Variants in DDB1 observed in about 807,000 individuals in gnomAD.
DDB1 encodes the protein DNA damage-binding protein 1.
A neutral mutation model predicts 133.1 loss-of-function variants in DDB1; 18 were observed. The observed-to-expected ratio is 0.14, with a 90% CI of 0.09 to 0.20. DDB1 has a LOEUF of 0.20. Ranked by LOEUF, DDB1 falls within the 10% of genes least tolerant of loss-of-function variation. DDB1 has a pLI of 1.00. For synonymous variants in DDB1, 580 were observed against 550.5 expected, an observed-to-expected ratio of 1.05 and a Z score of -0.75; for missense variants, 828 against 1,459.2, an observed-to-expected ratio of 0.57 and a Z score of 7.05.
Position 61,309,885 on chromosome 11 carries a change from T to C in DDB1, c.2477A>G (p.Asn826Ser). Reference sequence around the variant, plus strand: ...TGCTGTGCCCACAATGAAGTAAGTGTTGGGGTCTTTGCCCAGCTTGCAGGA... The same window carrying C: ...TGCTGTGCCCACAATGAAGTAAGTGCTGGGGTCTTTGCCCAGCTTGCAGGA... The part of the protein sequence containing the change: ...LVSCKLGKDP[N>S]TYFIVGTAMV... Residue 826 changes from asparagine to serine, a missense_variant, in exon 20 of 27, where the codon AAC (asparagine) becomes AGC (serine). Transcript: ENST00000301764. 1 of 1,614,204 alleles carries C rather than the reference T, an allele frequency of 6.2e-7. No homozygotes were observed. Among genetic ancestry groups the C allele is most frequent in the Non-Finnish European group, 8.5e-7 (1 of 1,180,042 alleles).
chr11:61,307,884 TCATAA>T (rs1212193051), intron 21 of DDB1, among the ~76,000 whole-genome samples: 1 of 151,986 alleles, frequency 6.6e-6, no homozygotes, highest in Non-Finnish European at 1.5e-5. Flanking sequence ...AATCCTACCC[TCATAA>T]CATAAGCAGA....
At chr11:61,325,763 G>T in intron 5 of DDB1, 55 bp from the exon 6 acceptor site, 1 of 1,452,888 alleles carries the variant, frequency 6.9e-7, no homozygotes, top group Non-Finnish European at 9.6e-7. Context: ...TGCCAAACCA[G>T]GACTGGCAAA....
At chr11:61,302,137 A>C (rs1475318248) in intron 25 of DDB1, 120 bp downstream of exon 25, 2 of 846,600 alleles carry the variant, frequency 2.4e-6, no homozygotes, top group Non-Finnish European at 3.8e-6. Context: ...AACAAAACAA[A>C]AAACCTGTTC....
At chr11:61,315,781 C>T (rs892748609) in intron 12 of DDB1, 1 of 152,762 alleles carries the variant, frequency 6.5e-6, no homozygotes, top group Non-Finnish European at 1.5e-5. Flanking sequence ...CCCCGTATTG[C>T]AGATAGATTG....
chr11:61,300,831 T>C lies in DDB1; in HGVS notation c.3317A>G (p.Gln1106Arg), dbSNP rs1855781064. 1 of 1,614,222 alleles carries C rather than the reference T, an allele frequency of 6.2e-7. No homozygotes were observed. The highest frequency in any genetic ancestry group is 8.5e-7 in the Non-Finnish European group (1 of 1,180,034). The change falls in exon 26 of 27, where the codon CAG becomes CGG. Residue 1106 changes from glutamine (Q) to arginine (R), a missense_variant. Physicochemically the swap from Gln to Arg is conservative, Grantham distance 43. This residue lies in a region of DDB1 where 116 missense variants were observed against 221.6 expected (regional missense o/e 0.52). Coordinates refer to ENST00000301764, the MANE Select transcript of DDB1 (RefSeq NM_001923.5). The part of the protein sequence containing the change: ...SFLDISRPKM[Q>R]EVVANLQYDD... The stretch of plus-strand genomic sequence containing the variant: ...CACCTGTAGGTTTGCCACCACCTCC[T>C]GCATCTTGGGGCGGCTAATATCCAG...
rs767827916 is a variant in DDB1 at position 61,325,693 on chromosome 11, C to G, written c.680G>C (p.Gly227Ala). 1.1e-5 allele frequency: 18 copies of G among 1,612,764 alleles called. No homozygotes were observed. The highest frequency in any genetic ancestry group is 3.3e-5 in the South Asian group (3 of 90,714). ...CTCCTGTCCAATGATGATGGCCCCC[C>G]CAAAGGGCTCTGGGACTGCAGGAAA... The part of the protein sequence containing the change: ...SMVIAVPEPF[G>A]GAIIIGQESI... Residue 227 changes from glycine (G) to alanine (A), a missense_variant, in exon 6 of 27, where the codon GGG becomes GCG. Coordinates refer to ENST00000301764, the MANE Select transcript of DDB1 (RefSeq NM_001923.5).
At chr11:61,314,581 C>A in intron 12 of DDB1, 95 bp from the exon 13 acceptor site, 1 of 1,234,532 alleles carries the variant, frequency 8.1e-7, no homozygotes, top group African/African-American at 1.5e-5. Flanking sequence ...TAGAGCCCTA[C>A]GAATAAGCTA....
At chr11:61,329,222 A>T (rs1856321515) in intron 4 of DDB1, 141 bp downstream of exon 4, 2 of 769,336 alleles carry the variant, frequency 2.6e-6, no homozygotes, top group African/African-American at 1.7e-5. Flanking sequence ...GACCCATATT[A>T]ATTGTGTTGT....
At chr11:61,331,725 G>C (rs753725364) in intron 1 of DDB1, 34 bp from the exon 2 acceptor site, 1 of 1,611,696 alleles carries the variant, frequency 6.2e-7, no homozygotes, top group Non-Finnish European at 8.5e-7. Flanking sequence ...TTTGAACTCA[G>C]GGGAAGGGCC....
intron 2 of DDB1, 126 bp from the exon 3 acceptor site, chr11:61,330,200 T>C: frequency 1.4e-6 from 1 of 698,308 alleles, no homozygotes; most frequent in South Asian, 2.0e-5. Context: ...AGAAAATACA[T>C]GGTGAGCTTG....
chr11:61,311,732 AAG>A, intron 18 of DDB1, 50 bp downstream of exon 18: 1 of 1,531,644 alleles, frequency 6.5e-7, no homozygotes. Context: ...CCTGTACAGA[AAG>A]CTTGCTGGCC....
intron 23 of DDB1, 112 bp downstream of exon 23, chr11:61,302,934 A>C: frequency 1.5e-6 from 2 of 1,292,150 alleles, no homozygotes; most frequent in East Asian, 4.6e-5. Context: ...GGAAAGTTCT[A>C]TCTCTGTAAA....
At chr11:61,323,280 A>G in intron 7 of DDB1, 186 bp from the exon 8 acceptor site, 1 of 612,486 alleles carries the variant, frequency 1.6e-6, no homozygotes, top group Non-Finnish European at 2.9e-6. Context: ...TTGATTCTTC[A>G]TCTATTGCAT....
chr11:61,313,481 A>G lies in DDB1; in HGVS notation c.2069+18T>C, dbSNP rs777616630. ...CCTCAATCAATAGCTCTCATTAAATAAGGAAAAAGAGACTCACCTGTCAGG... is the reference window on the plus strand; with the variant it reads ...CCTCAATCAATAGCTCTCATTAAATGAGGAAAAAGAGACTCACCTGTCAGG... On this transcript the variant is annotated intron_variant, in intron 16 of 26. Transcript: ENST00000301764. 6.2e-7 allele frequency: 1 copy of G among 1,606,284 alleles called. No individual in the cohort carries two copies. Among genetic ancestry groups the G allele is most frequent in the African/African-American group, 1.3e-5 (1 of 74,618 alleles).
chr11:61,300,677 T>C, intron 26 of DDB1, 132 bp downstream of exon 26: 1 of 1,401,762 alleles, frequency 7.1e-7, no homozygotes, highest in South Asian at 1.4e-5. Context: ...CCACCTTCCA[T>C]CTGGTAAGGA....
chr11:61,314,027 G>C lies in DDB1; in HGVS notation c.1753+20C>G. ...CACATTTTGACTCTGTCCCAACCCA[G>C]GTCCCTAAATGACACATACCTCCAC... On this transcript the variant is annotated intron_variant, in intron 14 of 26. Coordinates refer to ENST00000301764, the MANE Select transcript of DDB1 (RefSeq NM_001923.5). 6.2e-7 allele frequency: 1 copy of C among 1,613,988 alleles called. No homozygotes were observed. Among genetic ancestry groups the C allele is most frequent in the Non-Finnish European group, 8.5e-7 (1 of 1,179,980 alleles).
At position 61,302,606 on chromosome 11, in the gene DDB1, A is replaced by G. The variant is rs1263883605; in HGVS notation, c.3088T>C (p.Phe1030Leu). 6.2e-7 allele frequency: 1 copy of G among 1,614,176 alleles called. No individual in the cohort carries two copies. The highest frequency in any genetic ancestry group is 1.1e-5 in the South Asian group (1 of 91,080). ...CCTATCATGCCGTTGACCGTGCCGA[A>G]GAGCACCGAGCCTTGTGTGGGGGTG... ...TSTPTQGSVL[F>L]GTVNGMIGLV... The change falls in exon 24 of 27, where the codon TTC becomes CTC. Residue 1030 changes from phenylalanine to leucine, a missense_variant. Coordinates refer to ENST00000301764, the MANE Select transcript of DDB1 (RefSeq NM_001923.5).
At position 61,321,714 on chromosome 11, in the gene DDB1, C is replaced by T. The variant is rs745411334; in HGVS notation, c.1123-17G>A. 23 of 1,612,484 alleles carry T rather than the reference C, an allele frequency of 1.4e-5. No individual in the cohort carries two copies. The highest frequency in any genetic ancestry group is 2.7e-5 in the African/African-American group (2 of 74,862). ...AGTGACCAGCTGCAAGCAGAGAAAA[C>T]GTTTCTAAAGAACCCCCTCAAGATA... On this transcript the variant is annotated splice_polypyrimidine_tract_variant and intron_variant, in intron 9 of 26. Transcript: ENST00000301764.
chr11:61,329,864 C>G, intron 3 of DDB1, 94 bp downstream of exon 3: 1 of 1,085,820 alleles, frequency 9.2e-7, no homozygotes, highest in South Asian at 1.4e-5. Context: ...TTTCTCTGAT[C>G]GAATAGAGAG....
Sources: allele counts gnomAD v4.1 joint callset (sites outside exome capture counted in the v4.1 genomes callset), GRCh38; gene constraint gnomAD v4.1.1; regional missense constraint gnomAD v4.1.1; transcripts MANE v1.5; gene names NCBI Gene and HGNC (gene_info 2026-07-23, HGNC 2026-07-21).